ZPBP: variants seen among roughly 807,000 people sequenced by gnomAD.
ZPBP encodes zona pellucida binding protein.
A neutral mutation model predicts 44.8 loss-of-function variants in ZPBP; 26 were observed. The observed-to-expected ratio is 0.58, with a 90% CI of 0.43 to 0.81. ZPBP has a LOEUF of 0.81. Ranked by LOEUF, ZPBP falls within the 30% of genes least tolerant of loss-of-function variation. ZPBP has a pLI of 0.00. For synonymous variants in ZPBP, 174 were observed against 153.2 expected, an observed-to-expected ratio of 1.14 and a Z score of -1.00; for missense variants, 409 against 434.0, an observed-to-expected ratio of 0.94 and a Z score of 0.51.
intron 4 of ZPBP, among the ~76,000 whole-genome samples, chr7:50,057,193 A>C (rs146222211): frequency 0.027 from 4,108 of 151,870 alleles, 180 homozygotes; most frequent in African/African-American, 0.094. Context: ...TCTCAAAAAA[A>C]AAAAAAAAAA....
intron 6 of ZPBP, among the ~76,000 whole-genome samples, chr7:49,998,279 T>A (rs1046094846): frequency 3.9e-5 from 6 of 152,176 alleles, no homozygotes; most frequent in African/African-American, 1.4e-4. Flanking sequence ...CTTTGTAATT[T>A]GGCCAGTCAC....
intron 2 of ZPBP, among the ~76,000 whole-genome samples, chr7:49,879,652 C>T (rs1426814918): frequency 6.6e-6 from 1 of 152,136 alleles, no homozygotes; most frequent in Non-Finnish European, 1.5e-5. Flanking sequence ...ACTGGAAGGC[C>T]TTGTACTGCA....
intron 3 of ZPBP, among the ~76,000 whole-genome samples, chr7:50,070,857 GT>G (rs1447635327): frequency 6.6e-6 from 1 of 152,156 alleles, no homozygotes; most frequent in Non-Finnish European, 1.5e-5. Flanking sequence ...TACGACTTGA[GT>G]TTATCTGTCT....
At chr7:50,085,470 C>G (rs1053885854) in intron 2 of ZPBP, among the ~76,000 whole-genome samples, 1 of 152,018 alleles carries the variant, frequency 6.6e-6, no homozygotes, top group African/African-American at 2.4e-5. Flanking sequence ...CAATAAGGAG[C>G]CATGACAACC....
chr7:50,020,717 G>T (rs905102496), intron 5 of ZPBP, among the ~76,000 whole-genome samples: 1 of 151,978 alleles, frequency 6.6e-6, no homozygotes, highest in Non-Finnish European at 1.5e-5. Flanking sequence ...AAAACTGCTG[G>T]CCACCTTTTT....
chr7:49,980,257 CATATA>C (rs1796773049), intron 7 of ZPBP, among the ~76,000 whole-genome samples: 4 of 108,822 alleles, frequency 3.7e-5, no homozygotes, highest in South Asian at 2.9e-4. Context: ...ATATATAATA[CATATA>C]ATATAAATAT....
intron 3 of ZPBP, among the ~76,000 whole-genome samples, chr7:50,069,034 T>G (rs1376753266): frequency 6.6e-6 from 1 of 152,210 alleles, no homozygotes; most frequent in East Asian, 1.9e-4. Flanking sequence ...CTTGTCCTCT[T>G]AAGAGGCATA....
At chr7:50,090,514 T>C (rs568864304) in intron 1 of ZPBP, among the ~76,000 whole-genome samples, 1 of 151,620 alleles carries the variant, frequency 6.6e-6, no homozygotes, top group African/African-American at 2.4e-5. Context: ...TATATATGTG[T>C]ATATATGTGT....
chr7:49,863,906 C>T (rs903536646), intron 2 of ZPBP, among the ~76,000 whole-genome samples: 1 of 151,880 alleles, frequency 6.6e-6, no homozygotes, highest in African/African-American at 2.4e-5. Context: ...CATAAATTTC[C>T]CTTTTAGCAT....
At chr7:49,880,913 C>T (rs1326313631) in intron 2 of ZPBP, among the ~76,000 whole-genome samples, 3 of 152,136 alleles carry the variant, frequency 2.0e-5, no homozygotes, top group African/African-American at 7.2e-5. Flanking sequence ...AGATTGGGCA[C>T]GTTCAGGGTG....
intron 7 of ZPBP, among the ~76,000 whole-genome samples, chr7:49,950,775 G>A (rs1195462840): frequency 6.6e-6 from 1 of 151,586 alleles, no homozygotes; most frequent in Admixed American, 6.6e-5. Context: ...AAATATAATT[G>A]CAAGGGGTCC....
intron 7 of ZPBP, 99 bp from the exon 8 acceptor site, chr7:49,937,721 A>G: frequency 1.1e-6 from 1 of 948,448 alleles, no homozygotes; most frequent in Non-Finnish European, 1.7e-6. Context: ...CAGTAGTATT[A>G]AGCATATTCA....
chr7:49,955,509 A>G (rs62445840), intron 7 of ZPBP, among the ~76,000 whole-genome samples: 28,653 of 152,068 alleles, frequency 0.19, 3,786 homozygotes, highest in East Asian at 0.64. Flanking sequence ...GTGAGCTGAG[A>G]TCACGCCACT....
At chr7:49,922,273 C>G (rs1203579346) in intron 1 of ZPBP, among the ~76,000 whole-genome samples, 1 of 151,818 alleles carries the variant, frequency 6.6e-6, no homozygotes, top group African/African-American at 2.4e-5. Context: ...AACCTCATAT[C>G]GAGAAATATG....
At chr7:49,859,788 G>A (rs1284052819) in intron 2 of ZPBP, among the ~76,000 whole-genome samples, 3 of 148,524 alleles carry the variant, frequency 2.0e-5, no homozygotes, top group South Asian at 2.1e-4. Context: ...GTGCGCGTGC[G>A]TGCACACACA....
chr7:50,049,047 C>T (rs1800549467), intron 4 of ZPBP, among the ~76,000 whole-genome samples: 1 of 152,050 alleles, frequency 6.6e-6, no homozygotes, highest in South Asian at 2.1e-4. Context: ...CTACAAACAA[C>T]TCTATGCCAA....
chr7:49,940,863 A>G, intron 7 of ZPBP: 1 of 887,934 alleles, frequency 1.1e-6, no homozygotes, highest in Non-Finnish European at 1.3e-6. Context: ...GTTCCTGAAA[A>G]CCACAAGGAG....
chr7:49,981,295 TA>T (rs1562818888), intron 7 of ZPBP, among the ~76,000 whole-genome samples: 21 of 77,928 alleles, frequency 2.7e-4, no homozygotes, highest in Non-Finnish European at 4.9e-4. Flanking sequence ...ATATAATATA[TA>T]TTATATATAA....
intron 6 of ZPBP, among the ~76,000 whole-genome samples, chr7:50,013,734 G>T (rs1049464152): frequency 1.3e-5 from 2 of 151,940 alleles, no homozygotes; most frequent in Non-Finnish European, 2.9e-5. Context: ...AGACTCAATA[G>T]ATTACTTTCT....
Sources: gnomAD v4.1 joint callset for allele counts (sites outside exome capture counted in the v4.1 genomes callset) on GRCh38, gnomAD v4.1.1 for gene constraint, MANE v1.5 for transcripts, NCBI Gene and HGNC (gene_info 2026-07-23, HGNC 2026-07-21) for gene names.